The following NBPF6 variants were observed in gnomAD, a reference collection of about 807,000 sequenced individuals.
NBPF6 encodes the protein NBPF family member NBPF6.
Under a neutral mutation model 20.8 loss-of-function variants are expected in NBPF6, and 2 were observed. The ratio of observed to expected loss-of-function variants is 0.10; its 90% CI spans 0.04 to 0.30. The LOEUF (loss-of-function observed/expected upper bound fraction) is 0.30. Ranked by LOEUF, NBPF6 falls within the 10% of genes least tolerant of loss-of-function variation. The pLI is 1.00. For synonymous variants in NBPF6, 24 were observed against 100.0 expected (o/e 0.24, Z 4.53); for missense variants, 85 against 260.3 (o/e 0.33, Z 4.63).
In NBPF6 at chr1:108,470,628, T is replaced by A. The variant is rs1211761956; in HGVS notation, c.1907T>A (p.Met636Lys). The change falls in exon 15 of 15, where the codon ATG becomes AAG. Residue 636 changes from methionine (M) to lysine (K), a missense_variant. Met to Lys is a moderately conservative substitution (Grantham distance 95). This residue lies in a region of NBPF6 where 31 missense variants were observed against 21.0 expected (regional missense o/e 1.48). Coordinates refer to ENST00000495380, the MANE Select transcript of NBPF6 (RefSeq NM_001143988.2). ...IPNTAERMQR[M>K]IG ...AATACTGCTGAAAGGATGCAAAGGA[T>A]GATAGGATGAAAGAATGTCACAAAA... is the stretch of plus-strand genomic sequence containing the variant. The A allele has an allele frequency of 1.3e-6, 2 of 1,558,342 alleles. No individual in the cohort carries two copies. The highest frequency in any genetic ancestry group is 1.9e-5 in the Admixed American group (1 of 51,702).
At chr1:108,468,112 G>A (rs1287086096) in intron 14 of NBPF6, among the ~76,000 whole-genome samples, 1 of 151,194 alleles carries the variant, frequency 6.6e-6, no homozygotes, top group East Asian at 1.9e-4. Context: ...GTCTTCTTTT[G>A]AGCAACACAA....
intron 3 of NBPF6, among the ~76,000 whole-genome samples, 171 bp from the exon 4 acceptor site, chr1:108,453,010 A>C (rs4265454): frequency 4.9e-5 from 2 of 40,954 alleles, no homozygotes; most frequent in African/African-American, 7.6e-5. Context: ...GTGTGTGTGT[A>C]TATATATATA....
chr1:108,448,274 A>G (rs1652688018), upstream of NBPF6, among the ~76,000 whole-genome samples: 1 of 145,862 alleles, frequency 6.9e-6, no homozygotes, highest in African/African-American at 2.5e-5. Context: ...CTGGTGTCTC[A>G]GAGACCTGAC....
intron 2 of NBPF6, 35 bp downstream of exon 2, chr1:108,450,814 GA>G (rs1652802423): frequency 2.4e-6 from 2 of 838,298 alleles, no homozygotes; most frequent in Admixed American, 5.6e-5. Context: ...TGAACGTGAT[GA>G]ATGATCACCT....
At chr1:108,436,743 T>C in the NBPF6 span, among the ~76,000 whole-genome samples, 1 of 91,566 alleles carries the variant, frequency 1.1e-5, no homozygotes, top group Non-Finnish European at 2.6e-5. Context: ...TGTATATACT[T>C]TCAACAAATG....
rs1052453996 is a variant in NBPF6, at chr1:108,471,719, G to A, written c.*1081G>A. The stretch of plus-strand genomic sequence containing the variant: ...AAGGAACATTCCCTGCCCAAAGTTT[G>A]ACTTTCATCCAAAATTAATTTTAGT... On this transcript the variant is annotated 3_prime_UTR_variant, in exon 15 of 15. Coordinates refer to ENST00000495380, the MANE Select transcript of NBPF6 (RefSeq NM_001143988.2). Among the ~76,000 whole-genome samples the A allele has an allele frequency of 4.6e-5, 7 of 152,092 alleles. No homozygotes were observed. The highest frequency in any genetic ancestry group is 1.7e-4 in the African/African-American group (7 of 41,408).
At chr1:108,449,418 A>C (rs9727428), upstream of NBPF6, among the ~76,000 whole-genome samples, 1,213 of 2,532 alleles carry the variant, frequency 0.48, 233 homozygotes, top group East Asian at 1. Context: ...TAGAACAACT[A>C]TATATATATA....
In NBPF6 at chr1:108,470,560, A is replaced by G. The variant is rs772280897; in HGVS notation, c.1876-37A>G. The G allele has an allele frequency of 3.3e-6, 5 of 1,527,218 alleles. No homozygotes were observed. The South Asian group carries it at 6.2e-5, about 19-fold the overall frequency. The allele number at this position is 1,527,218 out of a possible 1,614,324, so 94.6% of individuals were successfully genotyped here. A position where few individuals can be genotyped will look rare whatever the true frequency, so the allele number is the denominator to read the frequency against. ...CAGCCATCAGGTGGACCTGACAAAA[A>G]TGCTCATTTGATTTTTTTTCTCTCT... On this transcript the variant is annotated intron_variant, in intron 14 of 14. Transcript: ENST00000495380.
chr1:108,436,364 ACTTTG>A, the NBPF6 span, among the ~76,000 whole-genome samples: 1 of 80,818 alleles, frequency 1.2e-5, no homozygotes, highest in South Asian at 3.7e-4. Flanking sequence ...TAATCCTAGC[ACTTTG>A]GGAGGCCGAG....
intron 9 of NBPF6, among the ~76,000 whole-genome samples, chr1:108,459,388 C>T (rs1467544996): frequency 4.4e-4 from 64 of 145,002 alleles, no homozygotes; most frequent in African/African-American, 1.5e-3. Flanking sequence ...TGGTGTCAAC[C>T]AGCCTGAGAT....
chr1:108,451,316 C>G (rs79017389), intron 2 of NBPF6, among the ~76,000 whole-genome samples: 1 of 42,532 alleles, frequency 2.4e-5, no homozygotes, highest in Middle Eastern at 9.1e-3. Flanking sequence ...CTTCAAAGCA[C>G]AGAGTGTCCC....
the NBPF6 span, among the ~76,000 whole-genome samples, chr1:108,437,793 AG>A: frequency 6.6e-5 from 2 of 30,414 alleles, no homozygotes; most frequent in African/African-American, 1.7e-4. Context: ...GGAGAGAGGG[AG>A]GGAGGGGAGG....
chr1:108,470,822 C>T lies in NBPF6; in HGVS notation c.*184C>T, dbSNP rs1280423931. 1.2e-5 allele frequency: 6 copies of T among 488,922 alleles called. No homozygotes were observed. Among genetic ancestry groups the T allele is most frequent in the Non-Finnish European group, 1.9e-5 (5 of 263,786 alleles). 30.3% of individuals were successfully genotyped at this position (488,922 alleles called of 1,614,324 possible). A position where few individuals can be genotyped will look rare whatever the true frequency, so the allele number is the denominator to read the frequency against. On this transcript the variant is annotated 3_prime_UTR_variant, in exon 15 of 15. Coordinates refer to ENST00000495380, the MANE Select transcript of NBPF6 (RefSeq NM_001143988.2). ...TTGAGAAGCCACATTCCATCCCCCT[C>T]CAATTGTGATCAACACCTAGGGAGA...
chr1:108,426,437 A>G, the NBPF6 span, among the ~76,000 whole-genome samples: 1 of 78,786 alleles, frequency 1.3e-5, no homozygotes, highest in Non-Finnish European at 2.9e-5. Context: ...AAATAAATAA[A>G]TAAATAAATA....
At chr1:108,428,142 T>G in the NBPF6 span, among the ~76,000 whole-genome samples, 2 of 79,690 alleles carry the variant, frequency 2.5e-5, no homozygotes, top group African/African-American at 8.5e-5. Flanking sequence ...ATATCATTTC[T>G]GATTGTGTTT....
At chr1:108,435,841 C>T in the NBPF6 span, among the ~76,000 whole-genome samples, 1 of 56,666 alleles carries the variant, frequency 1.8e-5, no homozygotes, top group Admixed American at 1.9e-4. Flanking sequence ...GACCCCCCCC[C>T]GAAAGATATT....
chr1:108,448,686 G>A (rs1009219908), upstream of NBPF6, among the ~76,000 whole-genome samples: 2 of 81,360 alleles, frequency 2.5e-5, no homozygotes, highest in Non-Finnish European at 5.6e-5. Flanking sequence ...TTGCCTTAAG[G>A]ATTATGATGA....
rs1470946524 is a variant in NBPF6 at position 108,468,391 on chromosome 1, C to CAAAAGTACATG, written c.1875+727_1875+737dup. Among the ~76,000 whole-genome samples the CAAAAGTACATG allele has an allele frequency of 8.0e-4, 105 of 130,934 alleles. 1 individual carries two copies. The highest frequency in any genetic ancestry group is 3.8e-3 in the Middle Eastern group (1 of 264). The allele number at this position is 130,934 out of a possible 152,430, so 85.9% of individuals were successfully genotyped here. On this transcript the variant is annotated intron_variant, in intron 14 of 14. Transcript: ENST00000495380. ...ATGACATTCTAAAGGGACATCACTC[C>CAAAAGTACATG]AAAAGTACATGCAGAGGGCAGGACT...
At position 108,452,822 on chromosome 1, in the gene NBPF6, T is replaced by A. The variant is rs1439039233; in HGVS notation, c.279-359T>A. Among the ~76,000 whole-genome samples the A allele has an allele frequency of 2.7e-5, 2 of 74,756 alleles. 1 individual carries two copies. Among genetic ancestry groups the A allele is most frequent in the Non-Finnish European group, 6.4e-5 (2 of 31,364 alleles). 49.0% of individuals were successfully genotyped at this position (74,756 alleles called of 152,430 possible). A position where few individuals can be genotyped will look rare whatever the true frequency, so the allele number is the denominator to read the frequency against. On this transcript the variant is annotated intron_variant, in intron 3 of 14. Coordinates refer to ENST00000495380, the MANE Select transcript of NBPF6 (RefSeq NM_001143988.2). ...CACATAGAGATGCCCATGGCCAAAG[T>A]GAGGAACTGAAAGGACATCCTTGTG...
Sources: allele counts gnomAD v4.1 joint callset (sites outside exome capture counted in the v4.1 genomes callset), GRCh38; gene constraint gnomAD v4.1.1; regional missense constraint gnomAD v4.1.1; transcripts MANE v1.5; gene names NCBI Gene and HGNC (gene_info 2026-07-23, HGNC 2026-07-21).